NRG3: variants seen among roughly 807,000 people sequenced by gnomAD.
NRG3 encodes neuregulin 3, also known as pro-neuregulin-3, membrane-bound isoform.
Under a neutral mutation model 66.9 loss-of-function variants are expected in NRG3, and 31 were observed. The observed-to-expected ratio is 0.46, with a 90% CI of 0.35 to 0.63. NRG3 has a LOEUF of 0.63. Ranked by LOEUF, NRG3 falls within the 20% of genes least tolerant of loss-of-function variation. The pLI, the probability that NRG3 is intolerant of heterozygous loss-of-function variation, is 0.00. For missense variants in NRG3, 910 were observed against 878.9 expected (o/e 1.04, Z -0.45); for synonymous variants, 393 against 359.4 (o/e 1.09, Z -1.06).
intron 4 of NRG3, among the ~76,000 whole-genome samples, chr10:82,940,917 A>G (rs896680194): frequency 1.3e-5 from 2 of 152,198 alleles, no homozygotes; most frequent in Non-Finnish European, 2.9e-5. Context: ...CAGACGCTAT[A>G]CTCAAATAAG....
intron 1 of NRG3, among the ~76,000 whole-genome samples, chr10:81,949,585 A>G (rs1228568958): frequency 1.3e-5 from 2 of 152,136 alleles, no homozygotes; most frequent in Non-Finnish European, 2.9e-5. Context: ...GTATCTGGCA[A>G]ATGGGTAACT....
At chr10:82,943,344 T>A (rs1055017147) in intron 4 of NRG3, among the ~76,000 whole-genome samples, 1 of 152,158 alleles carries the variant, frequency 6.6e-6, no homozygotes, top group Non-Finnish European at 1.5e-5. Context: ...ACCACACTGC[T>A]CCTTGAGTGG....
At chr10:82,061,899 C>G (rs2064176339) in intron 1 of NRG3, among the ~76,000 whole-genome samples, 1 of 148,758 alleles carries the variant, frequency 6.7e-6, no homozygotes, top group African/African-American at 2.5e-5. Flanking sequence ...ACATACATCT[C>G]TTAAAAGGAT....
rs890426642 is a variant in NRG3 at position 82,300,482 on chromosome 10, T to C, written c.824-58257T>C. Among the ~76,000 whole-genome samples, 4 of 152,330 alleles carry C rather than the reference T, an allele frequency of 2.6e-5. No individual in the cohort carries two copies. The East Asian group carries it at 7.7e-4, about 29-fold the overall frequency. ...GAAAAATTAAGTGATTTCATTACAC[T>C]CTTGCCATAATGTTCATCCCTTATT... is the stretch of plus-strand genomic sequence containing the variant. On this transcript the variant is annotated intron_variant, in intron 1 of 8. Coordinates refer to ENST00000372141, the MANE Select transcript of NRG3 (RefSeq NM_001010848.4).
intron 2 of NRG3, among the ~76,000 whole-genome samples, chr10:82,555,596 C>T (rs2044596031): frequency 6.6e-6 from 1 of 152,162 alleles, no homozygotes; most frequent in African/African-American, 2.4e-5. Context: ...CAACAACTAA[C>T]CTCAAAATCC....
chr10:82,131,108 A>G (rs1470175705), intron 1 of NRG3, among the ~76,000 whole-genome samples: 3 of 152,134 alleles, frequency 2.0e-5, no homozygotes, highest in African/African-American at 7.2e-5. Context: ...TACTCAAGCA[A>G]TATTTACTCT....
intron 2 of NRG3, among the ~76,000 whole-genome samples, chr10:82,616,867 ATAT>A (rs2048686679): frequency 6.6e-6 from 1 of 152,210 alleles, no homozygotes; most frequent in African/African-American, 2.4e-5. Context: ...AGGTACAAAT[ATAT>A]TAAATAGATC....
chr10:82,678,396 A>G lies in NRG3; in HGVS notation c.954-60181A>G, dbSNP rs2053872412. Among the ~76,000 whole-genome samples the G allele has an allele frequency of 2.0e-5, 3 of 152,234 alleles. No individual in the cohort carries two copies. The South Asian group carries it at 6.2e-4, about 32-fold the overall frequency. Reference sequence around the variant, plus strand: ...GGCCGGCAGGGGTGGGGGTCACAAGATGCTCAGTAGGGGAGCTTTTTGAGC... The same window carrying G: ...GGCCGGCAGGGGTGGGGGTCACAAGGTGCTCAGTAGGGGAGCTTTTTGAGC... On this transcript the variant is annotated intron_variant, in intron 2 of 8. Coordinates refer to ENST00000372141, the MANE Select transcript of NRG3 (RefSeq NM_001010848.4).
In NRG3 at chr10:82,260,571, A is replaced by T. The variant is rs193090567; in HGVS notation, c.824-98168A>T. 3.3e-5 allele frequency among the ~76,000 whole-genome samples: 5 copies of T among 152,326 alleles called. No individual in the cohort carries two copies. The East Asian group carries it at 9.7e-4, about 29-fold the overall frequency. On this transcript the variant is annotated intron_variant, in intron 1 of 8. Coordinates refer to ENST00000372141, the MANE Select transcript of NRG3 (RefSeq NM_001010848.4). ...TTATCTTTTAAGCCATGGCATTTGCAGTGGGAATATGTCAGGATCAGATTT... is the reference window on the plus strand; with the variant it reads ...TTATCTTTTAAGCCATGGCATTTGCTGTGGGAATATGTCAGGATCAGATTT...
chr10:82,656,155 G>T (rs1467778592), intron 2 of NRG3, among the ~76,000 whole-genome samples: 2 of 151,840 alleles, frequency 1.3e-5, no homozygotes, highest in African/African-American at 4.8e-5. Flanking sequence ...AGCTGAAAAG[G>T]GATTTTTTTA....
At chr10:82,837,054 C>T (rs2062817629) in intron 3 of NRG3, among the ~76,000 whole-genome samples, 2 of 152,026 alleles carry the variant, frequency 1.3e-5, no homozygotes, top group Admixed American at 1.3e-4. Flanking sequence ...CATCCATGGC[C>T]CTATGAAGGA....
At chr10:82,556,094 G>T (rs1290386470) in intron 2 of NRG3, among the ~76,000 whole-genome samples, 2 of 152,112 alleles carry the variant, frequency 1.3e-5, no homozygotes, top group Non-Finnish European at 2.9e-5. Flanking sequence ...CACATTTGAT[G>T]ATGTTCTCCT....
intron 2 of NRG3, among the ~76,000 whole-genome samples, chr10:82,626,861 C>T (rs1231759396): frequency 6.6e-6 from 1 of 152,090 alleles, no homozygotes; most frequent in Non-Finnish European, 1.5e-5. Flanking sequence ...CTATCAGACT[C>T]ACAGTTGACC....
intron 2 of NRG3, among the ~76,000 whole-genome samples, chr10:82,602,158 T>C (rs1372092485): frequency 6.6e-6 from 1 of 151,816 alleles, no homozygotes; most frequent in African/African-American, 2.4e-5. Flanking sequence ...ATTTTGTTAT[T>C]AACCAAGGAT....
intron 1 of NRG3, among the ~76,000 whole-genome samples, chr10:82,206,891 C>A (rs763403518): frequency 6.6e-6 from 1 of 152,160 alleles, no homozygotes; most frequent in Non-Finnish European, 1.5e-5. Flanking sequence ...TTAAGCCTCA[C>A]GCCAAACTTA....
At chr10:82,327,193 A>C (rs1334566802) in intron 1 of NRG3, among the ~76,000 whole-genome samples, 1 of 152,156 alleles carries the variant, frequency 6.6e-6, no homozygotes, top group Non-Finnish European at 1.5e-5. Context: ...TCTCAGAAGC[A>C]AGATTAGGAT....
intron 1 of NRG3, among the ~76,000 whole-genome samples, chr10:82,209,783 AT>A: frequency 6.6e-6 from 1 of 152,234 alleles, no homozygotes; most frequent in Middle Eastern, 3.4e-3. Context: ...TTGATCTTTC[AT>A]TTTAATTTTA....
intron 2 of NRG3, among the ~76,000 whole-genome samples, chr10:82,583,141 G>A (rs953550978): frequency 1.3e-5 from 2 of 152,104 alleles, no homozygotes; most frequent in African/African-American, 4.8e-5. Context: ...CTGGGAAGAG[G>A]ATTAAAAAAT....
intron 1 of NRG3, among the ~76,000 whole-genome samples, chr10:82,054,195 G>T (rs1486356437): frequency 6.6e-6 from 1 of 152,156 alleles, no homozygotes; most frequent in Non-Finnish European, 1.5e-5. Flanking sequence ...TCTAGTTGTT[G>T]TTCTGAAAAT....
Sources: gnomAD v4.1 joint callset for allele counts (sites outside exome capture counted in the v4.1 genomes callset) on GRCh38, gnomAD v4.1.1 for gene constraint, MANE v1.5 for transcripts, NCBI Gene and HGNC (gene_info 2026-07-23, HGNC 2026-07-21) for gene names.